RERE: variants seen among roughly 807,000 people sequenced by gnomAD.
RERE encodes the protein arginine-glutamic acid dipeptide repeats protein.
In RERE, 40 loss-of-function variants were observed where a neutral mutation model predicts 146.1. The observed-to-expected ratio is 0.27, with a 90% CI of 0.21 to 0.36. The LOEUF (loss-of-function observed/expected upper bound fraction) is 0.36, where lower values mean the gene tolerates loss of function less well. RERE is among the 10% of genes least tolerant of loss of function. RERE has a pLI of 1.00. For synonymous variants in RERE, 1,003 were observed against 866.0 expected, an observed-to-expected ratio of 1.16 and a Z score of -2.78; for missense variants, 1,933 against 2,138.7, an observed-to-expected ratio of 0.90 and a Z score of 1.90.
chr1:8,614,885 C>T (rs925453584), intron 3 of RERE, among the ~76,000 whole-genome samples, 199 bp from the exon 4 acceptor site: 7 of 152,164 alleles, frequency 4.6e-5, no homozygotes, highest in African/African-American at 9.7e-5. Context: ...TGTGAACAAA[C>T]GTATGACCCT....
rs1010406311 is a variant in RERE at position 8,751,022 on chromosome 1, T to A, written c.-145+66138A>T. 36 of 628,414 alleles carry A rather than the reference T, an allele frequency of 5.7e-5. 1 individual carries two copies. Among genetic ancestry groups the A allele is most frequent in the Non-Finnish European group, 9.8e-5 (34 of 348,082 alleles). The allele number at this position is 628,414 out of a possible 1,614,324, so 38.9% of individuals were successfully genotyped here. The stretch of plus-strand genomic sequence containing the variant: ...TCATGAGATCTAAACTATTGGAAAA[T>A]GCTTCAAGGAAGCAAATAACTTCCT... On this transcript the variant is annotated intron_variant, in intron 1 of 22. Coordinates refer to ENST00000400908, the MANE Select transcript of RERE (RefSeq NM_001042681.2).
intron 4 of RERE, among the ~76,000 whole-genome samples, chr1:8,572,934 T>C (rs1320054912): frequency 6.6e-6 from 1 of 152,222 alleles, no homozygotes; most frequent in Non-Finnish European, 1.5e-5. Flanking sequence ...TACTTCAGGA[T>C]AGCAGGAAAA....
chr1:8,502,935 G>C (rs1311731672), intron 8 of RERE, among the ~76,000 whole-genome samples: 1 of 151,060 alleles, frequency 6.6e-6, no homozygotes, highest in African/African-American at 2.4e-5. Context: ...TAAGTACCCA[G>C]GGACACAAAC....
intron 10 of RERE, among the ~76,000 whole-genome samples, chr1:8,494,647 C>T (rs1645022904): frequency 1.3e-5 from 2 of 151,990 alleles, no homozygotes; most frequent in African/African-American, 2.4e-5. Flanking sequence ...GGTGTGAAGC[C>T]GGGAAGCGGA....
At chr1:8,427,088 T>A (rs1644024759) in intron 11 of RERE, among the ~76,000 whole-genome samples, 1 of 152,192 alleles carries the variant, frequency 6.6e-6, no homozygotes, top group Non-Finnish European at 1.5e-5. Context: ...ACTCCTGGCC[T>A]CAAGCAATCC....
chr1:8,577,177 A>G (rs1336267412), intron 4 of RERE, among the ~76,000 whole-genome samples: 2 of 151,632 alleles, frequency 1.3e-5, no homozygotes, highest in Non-Finnish European at 2.9e-5. Flanking sequence ...AAAAAAAAAG[A>G]TGAAAGAAAG....
intron 1 of RERE, among the ~76,000 whole-genome samples, chr1:8,705,212 A>G (rs917781123): frequency 3.9e-5 from 6 of 152,336 alleles, no homozygotes; most frequent in African/African-American, 1.4e-4. Flanking sequence ...TTCATACTGT[A>G]CCTAGTCTCT....
At chr1:8,557,291 G>A in intron 5 of RERE, 127 bp downstream of exon 5, 1 of 644,348 alleles carries the variant, frequency 1.6e-6, no homozygotes, top group Non-Finnish European at 2.8e-6. Flanking sequence ...GAATCATCAA[G>A]CATAAGGCCT....
Position 8,385,486 on chromosome 1 carries a change from G to T in RERE, c.1285-19512C>A, listed in dbSNP as rs533031772. On this transcript the variant is annotated intron_variant, in intron 12 of 22. Coordinates refer to ENST00000400908, the MANE Select transcript of RERE (RefSeq NM_001042681.2). ...AATGGTAGCAGGGGCAGGCTACCAC[G>T]GAGTTTTAAATCCTGCCTTACATTA... Among the ~76,000 whole-genome samples, 6 of 152,210 alleles carry T rather than the reference G, an allele frequency of 3.9e-5. No homozygotes were observed. The South Asian group carries it at 8.3e-4, about 21-fold the overall frequency.
At chr1:8,465,291 A>G (rs1570281970) in intron 11 of RERE, 1 of 167,370 alleles carries the variant, frequency 6.0e-6, no homozygotes, top group South Asian at 1.5e-4. Flanking sequence ...ACAGCAATAC[A>G]ATCAGTATGT....
At chr1:8,696,040 C>T (rs1311872415) in intron 1 of RERE, among the ~76,000 whole-genome samples, 1 of 152,058 alleles carries the variant, frequency 6.6e-6, no homozygotes, top group African/African-American at 2.4e-5. Flanking sequence ...TATCGTCTCA[C>T]GCCAGTCAGA....
At chr1:8,675,495 C>CA (rs56912804) in intron 1 of RERE, among the ~76,000 whole-genome samples, 2,568 of 90,190 alleles carry the variant, frequency 0.028, 99 homozygotes, top group African/African-American at 0.095. Flanking sequence ...CCCATCTCTA[C>CA]AAAAAAAAAA....
chr1:8,670,022 CTCTAAG>C (rs1389241385), intron 1 of RERE, among the ~76,000 whole-genome samples: 3 of 152,192 alleles, frequency 2.0e-5, no homozygotes, highest in Non-Finnish European at 4.4e-5. Flanking sequence ...CACTTAGAAT[CTCTAAG>C]TCTAAGATAA....
At chr1:8,531,641 G>A (rs1645655280) in intron 7 of RERE, among the ~76,000 whole-genome samples, 1 of 152,082 alleles carries the variant, frequency 6.6e-6, no homozygotes, top group Admixed American at 6.5e-5. Flanking sequence ...TGGTTTCAGA[G>A]GAAAAAGTTT....
chr1:8,498,017 A>G (rs1195431509), intron 8 of RERE, among the ~76,000 whole-genome samples: 2 of 152,256 alleles, frequency 1.3e-5, no homozygotes, highest in African/African-American at 4.8e-5. Flanking sequence ...CAATAGCAAT[A>G]TAAGTCATGG....
intron 8 of RERE, among the ~76,000 whole-genome samples, chr1:8,507,810 G>A (rs1645276538): frequency 7.4e-6 from 1 of 134,928 alleles, no homozygotes; most frequent in African/African-American, 2.9e-5. Flanking sequence ...CACAGTCTTG[G>A]CTCACTGCAA....
At chr1:8,379,578 G>T (rs1642374766) in intron 12 of RERE, among the ~76,000 whole-genome samples, 1 of 152,166 alleles carries the variant, frequency 6.6e-6, no homozygotes, top group South Asian at 2.1e-4. Context: ...ATTCTCTCCT[G>T]GTCCATATCT....
intron 4 of RERE, among the ~76,000 whole-genome samples, chr1:8,578,749 G>C (rs1462079850): frequency 2.0e-5 from 3 of 152,104 alleles, no homozygotes; most frequent in African/African-American, 7.2e-5. Context: ...TTTTAACAAA[G>C]GAAGCTGCTC....
intron 10 of RERE, among the ~76,000 whole-genome samples, chr1:8,494,513 T>G (rs531942867): frequency 5.5e-4 from 84 of 152,138 alleles, no homozygotes; most frequent in Non-Finnish European, 1.1e-3. Context: ...GATCACAAGG[T>G]CAGGAGATTG....
Sources: allele counts gnomAD v4.1 joint callset (sites outside exome capture counted in the v4.1 genomes callset), GRCh38; gene constraint gnomAD v4.1.1; transcripts MANE v1.5; gene names NCBI Gene and HGNC (gene_info 2026-07-23, HGNC 2026-07-21).